The following CSNK1G3 variants were observed in gnomAD, a reference collection of about 807,000 sequenced individuals.
CSNK1G3 encodes casein kinase 1 gamma 3.
Under a neutral mutation model 64.3 loss-of-function variants are expected in CSNK1G3, and 23 were observed. The observed-to-expected ratio is 0.36, with a 90% confidence interval of 0.26 to 0.51. The LOEUF (loss-of-function observed/expected upper bound fraction) is 0.51, where lower values mean the gene tolerates loss of function less well. CSNK1G3 is among the 20% of genes least tolerant of loss of function. CSNK1G3 has a pLI of 0.96. For missense variants in CSNK1G3, 357 were observed against 510.5 expected (o/e 0.70, Z 2.90); for synonymous variants, 158 against 162.2 (o/e 0.97, Z 0.20).
At chr5:123,602,152 C>A (rs1181122698) in intron 10 of CSNK1G3, among the ~76,000 whole-genome samples, 1 of 152,076 alleles carries the variant, frequency 6.6e-6, no homozygotes, top group Non-Finnish European at 1.5e-5. Flanking sequence ...TAAGAATATT[C>A]TTTTCTTTAG....
intron 1 of CSNK1G3, among the ~76,000 whole-genome samples, chr5:123,525,353 C>T (rs1053769120): frequency 1.3e-5 from 2 of 151,408 alleles, no homozygotes; most frequent in African/African-American, 4.9e-5. Flanking sequence ...ACTCTGTCGC[C>T]CAGGTTGGAG....
At chr5:123,540,917 A>C (rs1301122954) in intron 1 of CSNK1G3, among the ~76,000 whole-genome samples, 1 of 152,180 alleles carries the variant, frequency 6.6e-6, no homozygotes. Context: ...GCATGAGCCA[A>C]CAAGTCTGGC....
rs930106523 is a variant in CSNK1G3, at chr5:123,555,932, T to G, written c.220-1563T>G. 2.0e-5 allele frequency among the ~76,000 whole-genome samples: 3 copies of G among 152,158 alleles called. No individual in the cohort carries two copies. In the South Asian group the frequency reaches 6.2e-4, roughly 31 times the overall value. On this transcript the variant is annotated intron_variant, in intron 3 of 12. Coordinates refer to ENST00000345990, the Ensembl canonical transcript of CSNK1G3. ...AAGAATTATAGGTAATATAGTGCTA[T>G]ATGTATAGAAGGCACTGTTTTAAGT... is the stretch of plus-strand genomic sequence containing the variant.
chr5:123,569,578 C>T (rs1787661421), intron 4 of CSNK1G3, among the ~76,000 whole-genome samples: 1 of 152,116 alleles, frequency 6.6e-6, no homozygotes, highest in African/African-American at 2.4e-5. Flanking sequence ...CTAATATCAC[C>T]ACAATTTCAT....
intron 6 of CSNK1G3, among the ~76,000 whole-genome samples, chr5:123,577,327 C>G (rs1357078124): frequency 1.3e-5 from 2 of 151,948 alleles, no homozygotes; most frequent in Non-Finnish European, 2.9e-5. Flanking sequence ...CTGCCAGGCC[C>G]TTTCTGCAGC....
intron 1 of CSNK1G3, among the ~76,000 whole-genome samples, chr5:123,524,346 ACT>A (rs1778664057): frequency 6.6e-6 from 1 of 151,964 alleles, no homozygotes; most frequent in Admixed American, 6.6e-5. Context: ...TTCATCAAAC[ACT>A]CTTTTTAGTC....
chr5:123,517,842 G>A (rs930925673), intron 1 of CSNK1G3, among the ~76,000 whole-genome samples: 1 of 148,368 alleles, frequency 6.7e-6, no homozygotes, highest in East Asian at 2.0e-4. Flanking sequence ...TTTATTAATT[G>A]TAATATATTA....
At chr5:123,613,410 CAT>C (rs1491482341) in intron 12 of CSNK1G3, among the ~76,000 whole-genome samples, 6 of 119,702 alleles carry the variant, frequency 5.0e-5, no homozygotes, top group African/African-American at 1.4e-4. Context: ...ATGTCCAGTG[CAT>C]GTGTGTGTGT....
chr5:123,528,987 G>C (rs983389933), intron 1 of CSNK1G3, among the ~76,000 whole-genome samples: 2 of 152,132 alleles, frequency 1.3e-5, no homozygotes, highest in African/African-American at 2.4e-5. Context: ...AGAAGAGTTT[G>C]CTTTTTGCAA....
chr5:123,542,933 T>C (rs905270232), intron 1 of CSNK1G3, among the ~76,000 whole-genome samples: 5 of 149,880 alleles, frequency 3.3e-5, no homozygotes, highest in Non-Finnish European at 4.5e-5. Context: ...TTTTTTTTTT[T>C]CCGCCCTCTT....
intron 8 of CSNK1G3, among the ~76,000 whole-genome samples, chr5:123,589,976 G>GA (rs1792043066): frequency 6.6e-6 from 1 of 151,990 alleles, no homozygotes; most frequent in South Asian, 2.1e-4. Flanking sequence ...GATTCTAAAG[G>GA]AAATCCAGCA....
At chr5:123,572,851 A>G (rs1241107773) in intron 4 of CSNK1G3, among the ~76,000 whole-genome samples, 1 of 152,212 alleles carries the variant, frequency 6.6e-6, no homozygotes, top group Non-Finnish European at 1.5e-5. Context: ...GTCAACTGAT[A>G]GGAGCCTTAA....
At chr5:123,614,823 C>G (rs1749188777) in exon 13 of CSNK1G3, 2 of 154,204 alleles carry the variant, frequency 1.3e-5, no homozygotes, top group Admixed American at 6.5e-5. Context: ...GTGGATAATA[C>G]AACAGAGAAA....
At chr5:123,590,508 C>G (rs1792140067) in exon 9 of CSNK1G3, 1 of 1,540,800 alleles carries the variant, frequency 6.5e-7, no homozygotes, top group Admixed American at 2.1e-5. Context: ...CTTGTTTGAT[C>G]GAAAAGGATA....
chr5:123,615,059 G>T (rs780500620), exon 13 of CSNK1G3: 8 of 152,728 alleles, frequency 5.2e-5, no homozygotes, highest in South Asian at 4.2e-4. Flanking sequence ...TGGTAAATAT[G>T]TGCTCCGCTT....
intron 2 of CSNK1G3, among the ~76,000 whole-genome samples, chr5:123,552,174 T>G (rs530521733): frequency 6.6e-6 from 1 of 151,908 alleles, no homozygotes; most frequent in East Asian, 1.9e-4. Context: ...TGATGGAGTC[T>G]CACTCTGTTG....
At chr5:123,550,906 A>G (rs751801500) in intron 2 of CSNK1G3, among the ~76,000 whole-genome samples, 11 of 152,214 alleles carry the variant, frequency 7.2e-5, no homozygotes, top group Non-Finnish European at 1.2e-4. Flanking sequence ...ATCTTTGTTC[A>G]TAATTGTGAC....
intron 10 of CSNK1G3, among the ~76,000 whole-genome samples, chr5:123,594,334 A>T (rs1361690392): frequency 6.6e-6 from 1 of 152,210 alleles, no homozygotes; most frequent in Non-Finnish European, 1.5e-5. Context: ...ATCTAAAAAC[A>T]TCAAGAATTT....
exon 2 of CSNK1G3, chr5:123,545,511 A>G (rs1782381409): frequency 3.6e-6 from 2 of 555,766 alleles, no homozygotes; most frequent in Non-Finnish European, 6.1e-6. Flanking sequence ...AATGGGATGA[A>G]CATGCTCCAG....
Sources: allele counts gnomAD v4.1 joint callset (sites outside exome capture counted in the v4.1 genomes callset), GRCh38; gene constraint gnomAD v4.1.1; transcripts MANE v1.5; gene names NCBI Gene and HGNC (gene_info 2026-07-23, HGNC 2026-07-21).